Variants in WDR53 observed in about 807,000 individuals in gnomAD.
The protein encoded by WDR53 is WD repeat-containing protein 53.
In WDR53, 19 loss-of-function variants were observed where a neutral mutation model predicts 21.3. The ratio of observed to expected loss-of-function variants is 0.89; its 90% CI spans 0.62 to 1.31. WDR53 has a LOEUF of 1.31. WDR53 is among the 50% of genes most tolerant of loss of function. WDR53 has a pLI of 0.00. For synonymous variants in WDR53, 157 were observed against 163.4 expected, an observed-to-expected ratio of 0.96 and a Z score of 0.30; for missense variants, 374 against 423.2, an observed-to-expected ratio of 0.88 and a Z score of 1.02.
chr3:196,563,773 T>C (rs552133851), intron 2 of WDR53, among the ~76,000 whole-genome samples: 1 of 152,316 alleles, frequency 6.6e-6, no homozygotes, highest in Non-Finnish European at 1.5e-5. Context: ...GGTTTCACCA[T>C]GTTGGCCAGG....
intron 3 of WDR53, among the ~76,000 whole-genome samples, chr3:196,558,395 T>A (rs1203674442): frequency 6.6e-6 from 1 of 151,956 alleles, no homozygotes; most frequent in East Asian, 1.9e-4. Context: ...TCGGTAGAGA[T>A]AGGGTTTTGC....
intron 2 of WDR53, among the ~76,000 whole-genome samples, chr3:196,566,527 C>T (rs956246947): frequency 6.6e-6 from 1 of 151,786 alleles, no homozygotes; most frequent in Non-Finnish European, 1.5e-5. Context: ...GATTCTTGTG[C>T]CTCAGCCTCC....
intron 2 of WDR53, 137 bp from the exon 3 acceptor site, chr3:196,561,628 A>T: frequency 1.0e-6 from 1 of 989,944 alleles, no homozygotes; most frequent in South Asian, 2.1e-5. Flanking sequence ...TAATTAAAAA[A>T]AAAAAAGACA....
Position 196,554,183 on chromosome 3 carries a change from C to A in WDR53, c.*28G>T. ...TTTTTAATCTGAAAAACAGTTTTGC[C>A]ACAATTCTTCAAATGTTTTTATTGG... On this transcript the variant is annotated 3_prime_UTR_variant, in exon 4 of 4. Coordinates refer to ENST00000332629, the MANE Select transcript of WDR53 (RefSeq NM_182627.3). 2 of 1,473,252 alleles carry A rather than the reference C, an allele frequency of 1.4e-6. No homozygotes were observed. Among genetic ancestry groups the A allele is most frequent in the East Asian group, 2.3e-5 (1 of 43,734 alleles). 91.3% of individuals were successfully genotyped at this position (1,473,252 alleles called of 1,614,324 possible).
chr3:196,565,400 C>T (rs1735284259), intron 2 of WDR53, among the ~76,000 whole-genome samples: 1 of 152,004 alleles, frequency 6.6e-6, no homozygotes. Flanking sequence ...GATGGAGAAA[C>T]CCTGTCTCTA....
chr3:196,561,198 T>C lies in WDR53; in HGVS notation c.278A>G (p.Asn93Ser), dbSNP rs368646782. 3 of 1,614,136 alleles carry C rather than the reference T, an allele frequency of 1.9e-6. No individual in the cohort carries two copies. Among genetic ancestry groups the C allele is most frequent in the Non-Finnish European group, 2.5e-6 (3 of 1,180,052 alleles). The change falls in exon 3 of 4, where the codon AAT becomes AGT. Residue 93 changes from asparagine to serine, a missense_variant. Coordinates refer to ENST00000332629, the MANE Select transcript of WDR53 (RefSeq NM_182627.3). ...LKDSLDHFHV[N>S]EEEINCLSLN... Reference sequence around the variant, plus strand: ...TGAAAGACAATTGATTTCTTCTTCATTCACATGAAAATGGTCCAAGGAATC... The same window carrying C: ...TGAAAGACAATTGATTTCTTCTTCACTCACATGAAAATGGTCCAAGGAATC...
At chr3:196,556,691 A>C (rs1387074405) in intron 3 of WDR53, among the ~76,000 whole-genome samples, 1 of 151,510 alleles carries the variant, frequency 6.6e-6, no homozygotes, top group Non-Finnish European at 1.5e-5. Context: ...ACACACACAC[A>C]CAGAAAATGG....
In WDR53 at chr3:196,554,538, G is replaced by C; in HGVS notation, c.750C>G (p.Leu250=). 1 of 1,614,084 alleles carries C rather than the reference G, an allele frequency of 6.2e-7. No individual in the cohort carries two copies. Among genetic ancestry groups the C allele is most frequent in the Non-Finnish European group, 8.5e-7 (1 of 1,180,022 alleles). The change falls in exon 4 of 4, where the codon CTC becomes CTG. Residue 250 remains leucine (L), a synonymous_variant. Transcript: ENST00000332629. ...HTSGVSQVCF[L]PESYLLLTGG... is the part of the protein sequence containing the mutation. Reference sequence around the variant, plus strand: ...CAGTAAGCAGCAAATAGGATTCTGGGAGAAAGCAGACCTGGGATACCCCTG... The same window carrying C: ...CAGTAAGCAGCAAATAGGATTCTGGCAGAAAGCAGACCTGGGATACCCCTG...
At chr3:196,560,270 T>C (rs1222918336) in intron 3 of WDR53, among the ~76,000 whole-genome samples, 1 of 148,672 alleles carries the variant, frequency 6.7e-6, no homozygotes, top group Non-Finnish European at 1.5e-5. Context: ...TGAGACAGAG[T>C]CTCACTCTGT....
intron 2 of WDR53, among the ~76,000 whole-genome samples, 184 bp downstream of exon 2, chr3:196,566,693 C>T (rs1010485741): frequency 7.2e-5 from 11 of 152,160 alleles, no homozygotes; most frequent in Admixed American, 2.0e-4. Context: ...GGATTCCAGG[C>T]GTGAGCCACG....
chr3:196,567,004 C>T lies in WDR53; in HGVS notation c.-144G>A, dbSNP rs1735466556. 1 of 330,640 alleles carries T rather than the reference C, an allele frequency of 3.0e-6. No homozygotes were observed. Among genetic ancestry groups the T allele is most frequent in the South Asian group, 2.4e-5 (1 of 42,430 alleles). 20.5% of individuals were successfully genotyped at this position (330,640 alleles called of 1,614,324 possible). A position where few individuals can be genotyped will look rare whatever the true frequency, so the allele number is the denominator to read the frequency against. On this transcript the variant is annotated 5_prime_UTR_variant, in exon 2 of 4. The change creates a new upstream start codon in the 5' untranslated region. Coordinates refer to ENST00000332629, the MANE Select transcript of WDR53 (RefSeq NM_182627.3). ...GCTCTGCCTCGGCTGCACTGAGACA[C>T]GATAAAGGCCAGTCTTTAAAAACTG...
chr3:196,559,407 T>C (rs926191137), intron 3 of WDR53, among the ~76,000 whole-genome samples: 8 of 152,206 alleles, frequency 5.3e-5, no homozygotes, highest in Non-Finnish European at 1.2e-4. Context: ...CAATTCTTTA[T>C]TGTTTGGAGA....
intron 2 of WDR53, among the ~76,000 whole-genome samples, chr3:196,562,074 G>A (rs746614161): frequency 1.6e-4 from 25 of 151,992 alleles, no homozygotes; most frequent in Non-Finnish European, 3.2e-4. Context: ...TTACTTTTTC[G>A]ATTTTTATTA....
intron 2 of WDR53, among the ~76,000 whole-genome samples, chr3:196,564,248 A>G (rs1012541775): frequency 6.6e-6 from 1 of 152,208 alleles, no homozygotes; most frequent in African/African-American, 2.4e-5. Flanking sequence ...TTTAAACGAA[A>G]GGCACTGATA....
intron 3 of WDR53, among the ~76,000 whole-genome samples, chr3:196,557,777 T>A (rs902221237): frequency 7.7e-6 from 1 of 129,560 alleles, no homozygotes; most frequent in African/African-American, 2.8e-5. Context: ...TTAATTTTTT[T>A]TCTTTTCTTT....
chr3:196,563,950 G>A (rs902711438), intron 2 of WDR53, among the ~76,000 whole-genome samples: 3 of 152,126 alleles, frequency 2.0e-5, no homozygotes, highest in Non-Finnish European at 2.9e-5. Flanking sequence ...TCAAGGTAAC[G>A]GAAACGTGAT....
intron 2 of WDR53, among the ~76,000 whole-genome samples, chr3:196,565,484 G>A (rs1735293236): frequency 6.6e-6 from 1 of 150,660 alleles, no homozygotes; most frequent in Non-Finnish European, 1.5e-5. Flanking sequence ...CTGAGGGCTT[G>A]AACCTGGGAG....
At chr3:196,565,264 A>T in intron 2 of WDR53, among the ~76,000 whole-genome samples, 1 of 45,554 alleles carries the variant, frequency 2.2e-5, no homozygotes, top group African/African-American at 1.0e-4. Context: ...GGGAATGTTA[A>T]AAAAAAAAAA....
Position 196,561,211 on chromosome 3 carries a change from G to A in WDR53, c.265C>T (p.His89Tyr), listed in dbSNP as rs1734817200. 1.2e-6 allele frequency: 2 copies of A among 1,614,200 alleles called. No individual in the cohort carries two copies. The highest frequency in any genetic ancestry group is 1.3e-5 in the African/African-American group (1 of 75,054). The change falls in exon 3 of 4, where the codon CAT becomes TAT. Residue 89 changes from histidine (H) to tyrosine (Y), a missense_variant. Transcript: ENST00000332629. ...ATTTCTTCTTCATTCACATGAAAAT[G>A]GTCCAAGGAATCTTTGAGGGACCTG... ...DVRSLKDSLD[H>Y]FHVNEEEINC... is the part of the protein sequence containing the mutation.
Sources: allele counts gnomAD v4.1 joint callset (sites outside exome capture counted in the v4.1 genomes callset), GRCh38; gene constraint gnomAD v4.1.1; transcripts MANE v1.5; gene names NCBI Gene and HGNC (gene_info 2026-07-23, HGNC 2026-07-21).